Variants in KCP observed in about 807,000 individuals in gnomAD.
KCP encodes the protein kielin cysteine rich BMP regulator, also known as kielin/chordin-like protein.
Under a neutral mutation model 212.7 loss-of-function variants are expected in KCP, and 194 were observed. The ratio of observed to expected loss-of-function variants is 0.91; its 90% CI spans 0.81 to 1.03. The LOEUF is 1.03. Ranked by LOEUF, KCP falls within the 50% of genes least tolerant of loss-of-function variation. The pLI, the probability that KCP is intolerant of heterozygous loss-of-function variation, is 0.00. For synonymous variants in KCP, 833 were observed against 865.3 expected, an observed-to-expected ratio of 0.96 and a Z score of 0.65; for missense variants, 2,080 against 2,162.5, an observed-to-expected ratio of 0.96 and a Z score of 0.76.
At chr7:128,904,003 G>A in intron 6 of KCP, 53 bp downstream of exon 6, 1 of 1,487,850 alleles carries the variant, frequency 6.7e-7, no homozygotes, top group South Asian at 1.2e-5. Context: ...CCCAGGGCAG[G>A]GCAGGTGTCC....
At position 128,877,275 on chromosome 7, in the gene KCP, T is replaced by C; in HGVS notation, c.4655A>G (p.Asp1552Gly). ...GCGGGGACAGGGTGGGCCGCACTCA[T>C]CAAACACGAAGCCACGCTCCAGGGG... ...GCPLERGFVF[D>G]ECGPPCPRTC... Residue 1552 changes from aspartate to glycine, a missense_variant, in exon 40 of 40, where the codon GAT (aspartate) becomes GGT (glycine). Asp to Gly is a moderately conservative substitution (Grantham distance 94). Transcript: ENST00000610776. 6.6e-7 allele frequency: 1 copy of C among 1,506,656 alleles called. No homozygotes were observed. The highest frequency in any genetic ancestry group is 8.8e-7 in the Non-Finnish European group (1 of 1,130,522). The allele number at this position is 1,506,656 out of a possible 1,614,324, so 93.3% of individuals were successfully genotyped here.
In KCP at chr7:128,910,678, C is replaced by T; in HGVS notation, c.-2G>A. ...CGCAGCGGCCCCGACCCCGGCCATGCTAGCTCCGCCTCGCTCGGCTCGCCG... is the reference window on the plus strand; with the variant it reads ...CGCAGCGGCCCCGACCCCGGCCATGTTAGCTCCGCCTCGCTCGGCTCGCCG... On this transcript the variant is annotated 5_prime_UTR_variant, in exon 1 of 40. Transcript: ENST00000610776. The T allele has an allele frequency of 2.0e-6, 3 of 1,496,710 alleles. No individual in the cohort carries two copies. The highest frequency in any genetic ancestry group is 2.7e-6 in the Non-Finnish European group (3 of 1,129,718). 92.7% of individuals were successfully genotyped at this position (1,496,710 alleles called of 1,614,324 possible).
intron 5 of KCP, 107 bp downstream of exon 5, chr7:128,906,172 T>G: frequency 2.2e-6 from 2 of 910,200 alleles, no homozygotes; most frequent in Non-Finnish European, 3.5e-6. Context: ...TCAGAGTGAG[T>G]GGGTAGGCAC....
rs922712821 is a variant in KCP, at chr7:128,894,200, C to T, written c.925G>A (p.Gly309Ser). Reference sequence around the variant, plus strand: ...GCCTCTGCCCTACCCACTGACTCACCATCACACACAGGGCAGCAGGTGCCT... The same window carrying T: ...GCCTCTGCCCTACCCACTGACTCACTATCACACACAGGGCAGCAGGTGCCT... ...LPGTCCPVCD[G>S]CFLNGREHRS... The change falls in exon 9 of 40, where the codon GGC becomes AGC. Residue 309 changes from glycine to serine, a missense_variant and splice_region_variant. Physicochemically the swap from Gly to Ser is moderately conservative, Grantham distance 56 (BLOSUM62 0). Transcript: ENST00000610776. 4 of 1,526,218 alleles carry T rather than the reference C, an allele frequency of 2.6e-6. No homozygotes were observed. In the Admixed American group the frequency reaches 6.1e-5, roughly 23 times the overall value. The allele number at this position is 1,526,218 out of a possible 1,614,324, so 94.5% of individuals were successfully genotyped here. A position where few individuals can be genotyped will look rare whatever the true frequency, so the allele number is the denominator to read the frequency against.
chr7:128,907,556 C>T, intron 2 of KCP, 103 bp from the exon 3 acceptor site: 1 of 784,846 alleles, frequency 1.3e-6, no homozygotes, highest in Non-Finnish European at 1.8e-6. Context: ...AAGAAGTTCG[C>T]CAATTCCAGA....
chr7:128,877,791 C>A lies in KCP; in HGVS notation c.4312-1G>T, dbSNP rs1793085475. On this transcript the variant is annotated splice_acceptor_variant, in intron 38 of 39. Coordinates refer to ENST00000610776, the MANE Select transcript of KCP (RefSeq NM_001366122.1). LOFTEE classifies it high-confidence loss of function. ...GGCCAGGCCACAGCCCCTCTGAGAC[C>A]TGGGTGGGGAGAGCAGCCCTGACGT... 1.3e-6 allele frequency: 2 copies of A among 1,544,548 alleles called. No homozygotes were observed. The highest frequency in any genetic ancestry group is 1.7e-6 in the Non-Finnish European group (2 of 1,143,254).
At position 128,879,936 on chromosome 7, in the gene KCP, C is replaced by CT; in HGVS notation, c.3908dup (p.Asp1304GlyfsTer14). ...ACCTGAAGTCCCCGCTGTGGCAGTC[C>CT]TTGGCCAGCACATAGCTGCAACTGC... On this transcript the variant is annotated frameshift_variant, in exon 35 of 40. Transcript: ENST00000610776. LOFTEE classifies it high-confidence loss of function. 7 of 1,551,076 alleles carry CT rather than the reference C, an allele frequency of 4.5e-6. No homozygotes were observed. The highest frequency in any genetic ancestry group is 6.1e-6 in the Non-Finnish European group (7 of 1,146,978).
intron 30 of KCP, 21 bp from the exon 31 acceptor site, chr7:128,881,746 GGT>G: frequency 6.6e-7 from 1 of 1,523,368 alleles, no homozygotes; most frequent in South Asian, 1.2e-5. Context: ...GAACACAAGA[GGT>G]AGAGAATGGC....
rs761334158 is a variant in KCP, at chr7:128,894,269, G to T, written c.856C>A (p.Arg286=). The change falls in exon 9 of 40, where the codon CGA becomes AGA. Residue 286 remains arginine (R), a synonymous_variant. Transcript: ENST00000610776. ...CLEGHIQCRQ[R]ECASLCPYPA... is the part of the protein sequence containing the mutation. ...TATGGACACAGGCTGGCACATTCTC[G>T]CTGGCGGCACTGGATGTGACCCTCC... The T allele has an allele frequency of 6.5e-7, 1 of 1,543,992 alleles. No individual in the cohort carries two copies. The highest frequency in any genetic ancestry group is 1.2e-5 in the South Asian group (1 of 83,054).
chr7:128,879,022 G>A (rs1793157553), intron 37 of KCP: 1 of 437,898 alleles, frequency 2.3e-6, no homozygotes, highest in African/African-American at 2.0e-5. Context: ...CCCCCTTCCG[G>A]GGATTCACTT....
At chr7:128,888,367 C>A (rs958730905) in intron 22 of KCP, among the ~76,000 whole-genome samples, 1 of 150,694 alleles carries the variant, frequency 6.6e-6, no homozygotes, top group East Asian at 2.0e-4. Flanking sequence ...TACACCCAAA[C>A]ACACAGGCCA....
chr7:128,908,654 G>A, intron 1 of KCP, 86 bp from the exon 2 acceptor site: 1 of 1,408,026 alleles, frequency 7.1e-7, no homozygotes, highest in Non-Finnish European at 9.6e-7. Flanking sequence ...TGACCCACAG[G>A]GGAAGGGGGT....
chr7:128,893,667 C>A, intron 11 of KCP, 139 bp downstream of exon 11: 1 of 1,040,240 alleles, frequency 9.6e-7, no homozygotes, highest in Non-Finnish European at 1.4e-6. Flanking sequence ...TGCCAGTTTG[C>A]CATGAGAAGG....
intron 29 of KCP, among the ~76,000 whole-genome samples, chr7:128,883,682 A>T (rs145759707): frequency 6.6e-6 from 1 of 152,326 alleles, no homozygotes; most frequent in Non-Finnish European, 1.5e-5. Context: ...AACAACGACA[A>T]CAAAAAAAGC....
chr7:128,888,863 C>T lies in KCP; in HGVS notation c.2512G>A (p.Gly838Arg). ...AATGGAAGGGCAGGTGTGGCTCTACCCTGGCAGGTCGGGCAGCAGTGCCCA... is the reference window on the plus strand; with the variant it reads ...AATGGAAGGGCAGGTGTGGCTCTACTCTGGCAGGTCGGGCAGCAGTGCCCA... ...PSGHCCPTCQ[G>R]CRYHGVTTAS... Residue 838 changes from glycine to arginine, a missense_variant and splice_region_variant, in exon 22 of 40, where the codon GGA becomes AGA. Coordinates refer to ENST00000610776, the MANE Select transcript of KCP (RefSeq NM_001366122.1). The T allele has an allele frequency of 1.9e-6, 3 of 1,548,698 alleles. No homozygotes were observed. The highest frequency in any genetic ancestry group is 1.8e-4 in the Middle Eastern group (1 of 5,638).
chr7:128,909,369 G>A (rs766981102), intron 1 of KCP, among the ~76,000 whole-genome samples: 1 of 152,150 alleles, frequency 6.6e-6, no homozygotes, highest in Admixed American at 6.5e-5. Flanking sequence ...GGCCTGGAGT[G>A]GCTTAAAAGG....
At position 128,876,928 on chromosome 7, in the gene KCP, G is replaced by T; in HGVS notation, c.*115C>A. 1.5e-6 allele frequency: 2 copies of T among 1,294,548 alleles called. No homozygotes were observed. The highest frequency in any genetic ancestry group is 1.5e-5 in the South Asian group (1 of 65,638). The allele number at this position is 1,294,548 out of a possible 1,614,324, so 80.2% of individuals were successfully genotyped here. A position where few individuals can be genotyped will look rare whatever the true frequency, so the allele number is the denominator to read the frequency against. On this transcript the variant is annotated 3_prime_UTR_variant, in exon 40 of 40. Transcript: ENST00000610776. ...TGGCGGGGGTCTTTGCAGGGCAGGGGCCCAGGCTCCAGTGTCCAGGCAGGG... is the reference window on the plus strand; with the variant it reads ...TGGCGGGGGTCTTTGCAGGGCAGGGTCCCAGGCTCCAGTGTCCAGGCAGGG...
chr7:128,905,605 G>A (rs1345770323), intron 5 of KCP, among the ~76,000 whole-genome samples: 4 of 152,164 alleles, frequency 2.6e-5, no homozygotes, highest in Non-Finnish European at 4.4e-5. Context: ...GCCTCTGTCT[G>A]CATCTAGCCC....
intron 29 of KCP, among the ~76,000 whole-genome samples, chr7:128,882,330 C>T (rs1055934973): frequency 3.3e-5 from 5 of 152,276 alleles, no homozygotes; most frequent in East Asian, 1.9e-4. Context: ...CTCTCCCTCC[C>T]GCTATCTGTA....
Sources: gnomAD v4.1 joint callset for allele counts (sites outside exome capture counted in the v4.1 genomes callset) on GRCh38, gnomAD v4.1.1 for gene constraint, MANE v1.5 for transcripts, NCBI Gene and HGNC (gene_info 2026-07-23, HGNC 2026-07-21) for gene names.